CSMD2: variants seen among roughly 807,000 people sequenced by gnomAD.
CSMD2 encodes CUB and sushi domain-containing protein 2.
CSMD2 carries 130 observed loss-of-function variants against 398.5 expected under a neutral mutation model. The observed-to-expected ratio is 0.33, with a 90% CI of 0.28 to 0.38. The LOEUF is 0.38. Ranked by LOEUF, CSMD2 falls within the 10% of genes least tolerant of loss-of-function variation. The pLI, the probability that CSMD2 is intolerant of heterozygous loss-of-function variation, is 1.00. For missense variants in CSMD2, 3,829 were observed against 4,764.9 expected (o/e 0.80, Z 5.78); for synonymous variants, 1,828 against 1,908.5 (o/e 0.96, Z 1.10).
intron 3 of CSMD2, among the ~76,000 whole-genome samples, chr1:33,952,206 C>G (rs530727521): frequency 2.6e-5 from 4 of 152,138 alleles, no homozygotes; most frequent in African/African-American, 9.7e-5. Flanking sequence ...TGAAATGCCA[C>G]CAAGATAGCT....
intron 1 of CSMD2, among the ~76,000 whole-genome samples, chr1:34,159,328 G>C (rs943563850): frequency 6.2e-5 from 5 of 80,618 alleles, no homozygotes; most frequent in Admixed American, 3.1e-4. Context: ...TTTACAGCCT[G>C]CCCCCCCCCC....
intron 3 of CSMD2, among the ~76,000 whole-genome samples, chr1:33,962,772 T>C (rs1410483752): frequency 1.3e-5 from 2 of 152,208 alleles, no homozygotes; most frequent in African/African-American, 2.4e-5. Context: ...TCCGCAAATG[T>C]CTGCTGCTCG....
intron 1 of CSMD2, among the ~76,000 whole-genome samples, chr1:34,135,455 C>T (rs975888147): frequency 6.6e-6 from 1 of 151,774 alleles, no homozygotes; most frequent in Non-Finnish European, 1.5e-5. Context: ...CCCATCTCTA[C>T]TAAAAATACA....
chr1:33,575,360 G>A (rs993837864), intron 49 of CSMD2, among the ~76,000 whole-genome samples: 26 of 152,158 alleles, frequency 1.7e-4, no homozygotes, highest in Non-Finnish European at 1.5e-5. Flanking sequence ...AGTAGGAGGT[G>A]GGTGGAGGGG....
chr1:33,703,806 A>C (rs539153331), intron 22 of CSMD2, among the ~76,000 whole-genome samples: 1 of 152,344 alleles, frequency 6.6e-6, no homozygotes, highest in South Asian at 2.1e-4. Flanking sequence ...AACGTCTGAC[A>C]GCTTTCATTG....
At chr1:34,076,927 AAATATAT>A (rs1483373086) in intron 2 of CSMD2, among the ~76,000 whole-genome samples, 3 of 111,190 alleles carry the variant, frequency 2.7e-5, no homozygotes, top group Admixed American at 8.8e-5. Flanking sequence ...AAAAAAAAAA[AAATATAT>A]ATATATATAT....
intron 6 of CSMD2, among the ~76,000 whole-genome samples, chr1:33,833,684 T>C (rs1343716092): frequency 2.0e-5 from 3 of 151,252 alleles, no homozygotes; most frequent in Non-Finnish European, 2.9e-5. Flanking sequence ...ATAAAGGGTA[T>C]TCAATTAGGA....
At chr1:33,725,633 CA>C in intron 16 of CSMD2, 97 bp from the exon 17 acceptor site, 1 of 1,071,446 alleles carries the variant, frequency 9.3e-7, no homozygotes, top group Non-Finnish European at 1.4e-6. Context: ...TCCGAATAAC[CA>C]GATTTTGGCA....
intron 1 of CSMD2, among the ~76,000 whole-genome samples, chr1:34,157,096 G>T (rs994174406): frequency 6.6e-6 from 1 of 152,126 alleles, no homozygotes; most frequent in Non-Finnish European, 1.5e-5. Context: ...ATGGTTTCCT[G>T]GTGGTGGCCA....
chr1:33,555,291 A>G (rs1657851943), intron 55 of CSMD2, among the ~76,000 whole-genome samples: 1 of 152,194 alleles, frequency 6.6e-6, no homozygotes, highest in South Asian at 2.1e-4. Flanking sequence ...AATTACTGAA[A>G]TCTCATGACC....
intron 12 of CSMD2, among the ~76,000 whole-genome samples, chr1:33,778,816 G>A (rs528382717): frequency 2.6e-5 from 4 of 152,298 alleles, no homozygotes; most frequent in African/African-American, 9.6e-5. Context: ...GGCAGCTCAA[G>A]CCTCTGGCTG....
At chr1:34,146,806 GGA>G (rs1639807976) in intron 1 of CSMD2, among the ~76,000 whole-genome samples, 1 of 152,126 alleles carries the variant, frequency 6.6e-6, no homozygotes, top group South Asian at 2.1e-4. Flanking sequence ...TCTGGGGGTG[GGA>G]GAGAGTCATA....
intron 39 of CSMD2, 99 bp downstream of exon 39, chr1:33,616,807 T>C: frequency 1.1e-6 from 1 of 905,894 alleles, no homozygotes; most frequent in Non-Finnish European, 1.8e-6. Flanking sequence ...AATATCAAAC[T>C]TTCTTCTGAT....
chr1:33,600,070 AC>A (rs1156241632), intron 44 of CSMD2: 10 of 669,518 alleles, frequency 1.5e-5, no homozygotes, highest in Non-Finnish European at 2.7e-5. Context: ...TTGCCTTACT[AC>A]CTCACAGAAT....
At chr1:33,760,479 T>C (rs1264569416) in intron 13 of CSMD2, among the ~76,000 whole-genome samples, 1 of 152,126 alleles carries the variant, frequency 6.6e-6, no homozygotes, top group East Asian at 1.9e-4. Flanking sequence ...CTTTGGAAAA[T>C]ATACGTAGCC....
rs1034568012 is a variant in CSMD2, at chr1:33,841,480, G to A, written c.1033+5404C>T. Among the ~76,000 whole-genome samples the A allele has an allele frequency of 2.0e-5, 3 of 152,224 alleles. No homozygotes were observed. The East Asian group carries it at 5.8e-4, about 29-fold the overall frequency. ...ACAGATGAGGAGGGAGATAATGAGG[G>A]TGCTGTCCTCCCAGCCAGGGAAGCC... On this transcript the variant is annotated intron_variant, in intron 6 of 70. Coordinates refer to ENST00000373381, the MANE Select transcript of CSMD2 (RefSeq NM_001281956.2).
chr1:33,750,554 G>A (rs1244884643), intron 13 of CSMD2, among the ~76,000 whole-genome samples: 3 of 152,184 alleles, frequency 2.0e-5, no homozygotes, highest in Admixed American at 6.5e-5. Flanking sequence ...CCTCCCAGAG[G>A]AGGAAGGGCT....
intron 5 of CSMD2, among the ~76,000 whole-genome samples, chr1:33,883,661 GGCCTTAACACATATGGGAACTCTCCAA>G (rs1346426422): frequency 6.6e-6 from 1 of 152,104 alleles, no homozygotes; most frequent in Non-Finnish European, 1.5e-5. Context: ...GAAGTTAGAA[GGCCTTAACACATATGGGAACTCTCCAA>G]GCCTTCTCAG....
intron 5 of CSMD2, among the ~76,000 whole-genome samples, chr1:33,916,840 G>A (rs1249478164): frequency 6.6e-6 from 1 of 152,102 alleles, no homozygotes; most frequent in Admixed American, 6.5e-5. Context: ...TAGACAATGA[G>A]CTCCTTAAAA....
Sources: gnomAD v4.1 joint callset for allele counts (sites outside exome capture counted in the v4.1 genomes callset) on GRCh38, gnomAD v4.1.1 for gene constraint, MANE v1.5 for transcripts, NCBI Gene and HGNC (gene_info 2026-07-23, HGNC 2026-07-21) for gene names.